The following DBT variants were observed in gnomAD, a reference collection of about 807,000 sequenced individuals.
DBT encodes the protein dihydrolipoamide branched chain transacylase E2.
In DBT, 40 loss-of-function variants were observed where a neutral mutation model predicts 51.3. That is an observed-to-expected ratio of 0.78 (90% CI 0.61 to 1.02). The LOEUF is 1.02. Among genes scored for constraint, DBT ranks in the 50% least tolerant of loss-of-function variants. The pLI, the probability that DBT is intolerant of heterozygous loss-of-function variation, is 0.00. For missense variants in DBT, 510 were observed against 580.2 expected (o/e 0.88, Z 1.24); for synonymous variants, 181 against 190.4 (o/e 0.95, Z 0.41).
At chr1:100,208,155 AC>A (rs1208664267) in intron 8 of DBT, among the ~76,000 whole-genome samples, 2 of 152,238 alleles carry the variant, frequency 1.3e-5, no homozygotes, top group East Asian at 1.9e-4. Flanking sequence ...ACAAAAAAAA[AC>A]AAATCCAACT....
Position 100,190,295 on chromosome 1 carries a change from A to C in DBT, c.*5960T>G, listed in dbSNP as rs1415585734. 1 of 152,162 alleles carries C rather than the reference A, an allele frequency of 6.6e-6. No individual in the cohort carries two copies. Among genetic ancestry groups the C allele is most frequent in the African/African-American group, 2.4e-5 (1 of 41,430 alleles). The allele number at this position is 152,162 out of a possible 1,614,324, so 9.4% of individuals were successfully genotyped here. A position where few individuals can be genotyped will look rare whatever the true frequency, so the allele number is the denominator to read the frequency against. On this transcript the variant is annotated 3_prime_UTR_variant, in exon 11 of 11. Coordinates refer to ENST00000370132, the MANE Select transcript of DBT (RefSeq NM_001918.5). Reference sequence around the variant, plus strand: ...AAGGGTGCATGTTGGAGGGGAAGAGATAGAATATGAAGAATCTCTTGAGAA... The same window carrying C: ...AAGGGTGCATGTTGGAGGGGAAGAGCTAGAATATGAAGAATCTCTTGAGAA...
chr1:100,248,976 G>A lies in DBT; in HGVS notation c.51+794C>T, dbSNP rs114826452. ...CACAAGGTTGTAATCTCTTGAGAAG[G>A]AAGATATGATGTCTATTTCATATTT... is the stretch of plus-strand genomic sequence containing the variant. On this transcript the variant is annotated intron_variant, in intron 1 of 10. Coordinates refer to ENST00000370132, the MANE Select transcript of DBT (RefSeq NM_001918.5). The A allele has an allele frequency of 7.7e-3, 2,933 of 379,928 alleles. 16 individuals are homozygous for A. Among genetic ancestry groups the A allele is most frequent in the Middle Eastern group, 0.013 (10 of 778 alleles). The allele number at this position is 379,928 out of a possible 1,614,324, so 23.5% of individuals were successfully genotyped here. A position where few individuals can be genotyped will look rare whatever the true frequency, so the allele number is the denominator to read the frequency against.
rs1357572950 is a variant in DBT, at chr1:100,190,197, G to A, written c.*6058C>T. The A allele has an allele frequency of 6.6e-6, 1 of 152,098 alleles. No homozygotes were observed. Among genetic ancestry groups the A allele is most frequent in the Non-Finnish European group, 1.5e-5 (1 of 68,020 alleles). 9.4% of individuals were successfully genotyped at this position (152,098 alleles called of 1,614,324 possible). A position where few individuals can be genotyped will look rare whatever the true frequency, so the allele number is the denominator to read the frequency against. On this transcript the variant is annotated 3_prime_UTR_variant, in exon 11 of 11. Coordinates refer to ENST00000370132, the MANE Select transcript of DBT (RefSeq NM_001918.5). ...CAATTGGTGCTAGGGTGTAGGGAGG[G>A]GAGCATTCTGCTCTGCCTAGTCATT...
At chr1:100,204,622 C>A (rs1468983967) in intron 10 of DBT, among the ~76,000 whole-genome samples, 1 of 151,608 alleles carries the variant, frequency 6.6e-6, no homozygotes, top group African/African-American at 2.4e-5. Context: ...TTATATGGAA[C>A]CAAAAAAAAA....
In DBT at chr1:100,240,367, T is replaced by C. The variant is rs188158016; in HGVS notation, c.175+394A>G. Among the ~76,000 whole-genome samples, 5 of 152,190 alleles carry C rather than the reference T, an allele frequency of 3.3e-5. No individual in the cohort carries two copies. In the East Asian group the frequency reaches 9.6e-4, roughly 29 times the overall value. Reference sequence around the variant, plus strand: ...GCCCAACACAACCCATTCCCAATATTATAAAGACACAAGTGCTGGGCGAGA... The same window carrying C: ...GCCCAACACAACCCATTCCCAATATCATAAAGACACAAGTGCTGGGCGAGA... On this transcript the variant is annotated intron_variant, in intron 2 of 10. Transcript: ENST00000370132.
At chr1:100,218,856 G>T in intron 4 of DBT, 109 bp from the exon 5 acceptor site, 9 of 731,690 alleles carry the variant, frequency 1.2e-5, no homozygotes, top group African/African-American at 1.9e-5. Flanking sequence ...ATAAATTAAA[G>T]TTTATAGTCT....
intron 7 of DBT, among the ~76,000 whole-genome samples, chr1:100,213,949 CAAAAAAAA>C (rs758614475): frequency 2.5e-5 from 3 of 118,398 alleles, no homozygotes; most frequent in Non-Finnish European, 5.4e-5. Context: ...AGATTCATAC[CAAAAAAAA>C]AAAAAAAAAA....
intron 4 of DBT, among the ~76,000 whole-genome samples, chr1:100,223,751 A>T (rs2100813395): frequency 6.6e-6 from 1 of 152,324 alleles, no homozygotes; most frequent in East Asian, 1.9e-4. Flanking sequence ...TATAGGCATG[A>T]GTGACTGCAC....
In DBT at chr1:100,230,800, A is replaced by C; in HGVS notation, c.366T>G (p.Tyr122Ter). ...CATAGGCAATATCGTCTAGATTATA[A>C]TAGAGTTTTTTAATGACTCCATCAT... is the stretch of plus-strand genomic sequence containing the variant. Reference protein sequence around the residue: ...SRYDGVIKKLYYNLDDIAYVG... With the variant: ...SRYDGVIKKL The change falls in exon 4 of 11, where the codon TAT becomes TAG. Residue 122 changes from tyrosine (Y) to a stop codon, truncating the protein, a stop_gained. Transcript: ENST00000370132. LOFTEE classifies it high-confidence loss of function. 1 of 1,611,488 alleles carries C rather than the reference A, an allele frequency of 6.2e-7. No homozygotes were observed. The highest frequency in any genetic ancestry group is 8.5e-7 in the Non-Finnish European group (1 of 1,177,872).
At chr1:100,204,020 C>G (rs928971084) in intron 10 of DBT, among the ~76,000 whole-genome samples, 2 of 152,152 alleles carry the variant, frequency 1.3e-5, no homozygotes, top group African/African-American at 2.4e-5. Context: ...AAGCTGGAAG[C>G]ATTCCCTCTG....
chr1:100,230,866 T>G lies in DBT; in HGVS notation c.300A>C (p.Glu100Asp). 1 of 1,608,804 alleles carries G rather than the reference T, an allele frequency of 6.2e-7. No homozygotes were observed. Among genetic ancestry groups the G allele is most frequent in the Non-Finnish European group, 8.5e-7 (1 of 1,175,312 alleles). Residue 100 changes from glutamate (E) to aspartate (D), a missense_variant, in exon 4 of 11, where the codon GAA (glutamate) becomes GAC (aspartate). Transcript: ENST00000370132. ...TAACAGAAGCTTTATCACTTTGAACTTCACAGATGCTATCAAACTGAGACA... is the reference window on the plus strand; with the variant it reads ...TAACAGAAGCTTTATCACTTTGAACGTCACAGATGCTATCAAACTGAGACA... ...DTVSQFDSIC[E>D]VQSDKASVTI...
At position 100,213,949 on chromosome 1, in the gene DBT, C is replaced by CA. The variant is rs758614475; in HGVS notation, c.939+867dup. 7.5e-3 allele frequency among the ~76,000 whole-genome samples: 884 copies of CA among 118,352 alleles called. 6 individuals are homozygous for CA. Among genetic ancestry groups the CA allele is most frequent in the East Asian group, 0.019 (84 of 4,346 alleles). The allele number at this position is 118,352 out of a possible 152,430, so 77.6% of individuals were successfully genotyped here. ...TCTTTTCAATAAATGAGATTCATAC[C>CA]AAAAAAAAAAAAAAAAAAGAGAGAG... On this transcript the variant is annotated intron_variant, in intron 7 of 10. Coordinates refer to ENST00000370132, the MANE Select transcript of DBT (RefSeq NM_001918.5).
intron 4 of DBT, among the ~76,000 whole-genome samples, chr1:100,223,944 T>C (rs1314559011): frequency 6.6e-6 from 1 of 152,142 alleles, no homozygotes. Flanking sequence ...TCCAATAAAC[T>C]GTTTTGAAGT....
intron 8 of DBT, among the ~76,000 whole-genome samples, chr1:100,208,694 T>TA (rs1661942327): frequency 6.7e-6 from 1 of 149,334 alleles, no homozygotes; most frequent in Admixed American, 6.7e-5. Context: ...GCCCAGGAGT[T>TA]AGAGACCAGC....
intron 10 of DBT, among the ~76,000 whole-genome samples, chr1:100,203,846 A>G (rs1661594427): frequency 6.6e-6 from 1 of 152,250 alleles, no homozygotes; most frequent in South Asian, 2.1e-4. Flanking sequence ...ACCAATGACA[A>G]AAACCACATG....
chr1:100,211,129 G>A, intron 7 of DBT: 1 of 778,748 alleles, frequency 1.3e-6, no homozygotes, highest in Non-Finnish European at 2.4e-6. Flanking sequence ...GTAATACTAG[G>A]AATCAAAACA....
At chr1:100,238,629 G>A (rs1436935814) in intron 2 of DBT, among the ~76,000 whole-genome samples, 4 of 152,024 alleles carry the variant, frequency 2.6e-5, no homozygotes, top group African/African-American at 9.7e-5. Flanking sequence ...CTGAGTGGCT[G>A]GGACTACAGG....
intron 4 of DBT, among the ~76,000 whole-genome samples, chr1:100,219,294 G>A (rs1356310401): frequency 6.6e-6 from 1 of 152,010 alleles, no homozygotes; most frequent in East Asian, 1.9e-4. Flanking sequence ...CGAGGCTGCA[G>A]TGAGCTGTAA....
intron 7 of DBT, among the ~76,000 whole-genome samples, chr1:100,214,055 C>T (rs1365688816): frequency 1.3e-5 from 2 of 151,918 alleles, no homozygotes; most frequent in Admixed American, 6.5e-5. Context: ...AGACTGTATG[C>T]TGCTCAAGGT....
Sources: gnomAD v4.1 joint callset for allele counts (sites outside exome capture counted in the v4.1 genomes callset) on GRCh38, gnomAD v4.1.1 for gene constraint, MANE v1.5 for transcripts, NCBI Gene and HGNC (gene_info 2026-07-23, HGNC 2026-07-21) for gene names.